Variants in EHD1 observed in about 807,000 individuals in gnomAD.
EHD1 encodes the protein EH domain-containing protein 1.
EHD1 carries 19 observed loss-of-function variants against 39.0 expected under a neutral mutation model. The observed-to-expected ratio is 0.49, with a 90% CI of 0.34 to 0.72. The LOEUF (loss-of-function observed/expected upper bound fraction) is 0.72, where lower values mean the gene tolerates loss of function less well. EHD1 is among the 30% of genes least tolerant of loss of function. EHD1 has a pLI of 0.01. For missense variants in EHD1, 542 were observed against 751.5 expected (o/e 0.72, Z 3.26); for synonymous variants, 323 against 331.2 (o/e 0.98, Z 0.27).
At chr11:64,857,535 C>T (rs982294512) in intron 3 of EHD1, among the ~76,000 whole-genome samples, 3 of 152,226 alleles carry the variant, frequency 2.0e-5, no homozygotes, top group African/African-American at 7.2e-5. Context: ...CACGGAGGTT[C>T]AGGCCAGAAT....
intron 3 of EHD1, chr11:64,856,650 G>A (rs1943656616): frequency 6.6e-6 from 1 of 152,390 alleles, no homozygotes; most frequent in Admixed American, 6.5e-5. Context: ...CCTGTGCCCT[G>A]GGTGGGGGCC....
chr11:64,861,185 C>CAAAAAAAAAAA (rs113324966), intron 2 of EHD1, among the ~76,000 whole-genome samples: 1 of 125,456 alleles, frequency 8.0e-6, no homozygotes, highest in Non-Finnish European at 1.7e-5. Flanking sequence ...GACTCCGTCT[C>CAAAAAAAAAAA]AAAAAAAAAA....
intron 2 of EHD1, among the ~76,000 whole-genome samples, chr11:64,873,354 G>A (rs981745700): frequency 1.1e-4 from 17 of 152,222 alleles, no homozygotes; most frequent in African/African-American, 4.1e-4. Context: ...CAGTCCTGCT[G>A]GACGTGTGAG....
At chr11:64,865,331 CAGCGGTAACACTG>C (rs1943756395) in intron 2 of EHD1, among the ~76,000 whole-genome samples, 1 of 152,270 alleles carries the variant, frequency 6.6e-6, no homozygotes, top group African/African-American at 2.4e-5. Context: ...CTACACTGCA[CAGCGGTAACACTG>C]AGCCACTCTC....
In EHD1 at chr11:64,853,112, C is replaced by CG. The variant is rs1943600234; in HGVS notation, c.*1220dup. On this transcript the variant is annotated 3_prime_UTR_variant, in exon 5 of 5. Coordinates refer to ENST00000320631, the MANE Select transcript of EHD1 (RefSeq NM_006795.4). ...GAGGGGGAGGCGGCCTGAACTGGCC[C>CG]GGGCCACTGGGCCGCAAGGTTCTGG... 1 of 152,042 alleles carries CG rather than the reference C, an allele frequency of 6.6e-6. No individual in the cohort carries two copies. The allele number at this position is 152,042 out of a possible 1,614,324, so 9.4% of individuals were successfully genotyped here. A position where few individuals can be genotyped will look rare whatever the true frequency, so the allele number is the denominator to read the frequency against.
At chr11:64,855,105 C>A in intron 4 of EHD1, 1 of 887,424 alleles carries the variant, frequency 1.1e-6, no homozygotes, top group Non-Finnish European at 1.7e-6. Flanking sequence ...TGGCCCTGCC[C>A]TCCCCCCACC....
chr11:64,866,589 G>C (rs1347336341), intron 2 of EHD1, among the ~76,000 whole-genome samples: 1 of 152,018 alleles, frequency 6.6e-6, no homozygotes, highest in Non-Finnish European at 1.5e-5. Flanking sequence ...TGAGGTAAGA[G>C]GATTGTTTGG....
At chr11:64,863,565 G>A (rs114204804) in intron 2 of EHD1, among the ~76,000 whole-genome samples, 1 of 152,334 alleles carries the variant, frequency 6.6e-6, no homozygotes, top group African/African-American at 2.4e-5. Flanking sequence ...CTACGCACAA[G>A]CACGCCAAGA....
chr11:64,865,802 A>G (rs1943761330), intron 2 of EHD1, among the ~76,000 whole-genome samples: 1 of 152,246 alleles, frequency 6.6e-6, no homozygotes, highest in African/African-American at 2.4e-5. Flanking sequence ...TCAAACCACA[A>G]TGAGACAACA....
chr11:64,867,269 A>T (rs915092308), intron 2 of EHD1, among the ~76,000 whole-genome samples: 1 of 151,606 alleles, frequency 6.6e-6, no homozygotes, highest in African/African-American at 2.4e-5. Flanking sequence ...AAATACAAAA[A>T]TTAGCCAGGG....
intron 2 of EHD1, among the ~76,000 whole-genome samples, chr11:64,872,835 G>A (rs1057503921): frequency 1.4e-4 from 22 of 152,214 alleles, no homozygotes; most frequent in African/African-American, 5.3e-4. Context: ...AGCCCTAGCA[G>A]AGAGACATGT....
chr11:64,869,326 A>C (rs1470109976), intron 2 of EHD1, among the ~76,000 whole-genome samples: 1 of 152,232 alleles, frequency 6.6e-6, no homozygotes, highest in Non-Finnish European at 1.5e-5. Context: ...TGGGCCACAG[A>C]GGGAGACCAC....
chr11:64,877,927 G>C, intron 1 of EHD1, 134 bp downstream of exon 1: 1 of 917,706 alleles, frequency 1.1e-6, no homozygotes, highest in Non-Finnish European at 1.5e-6. Context: ...CTTGGACCAG[G>C]GAGTGGTCAC....
chr11:64,875,515 T>C lies in EHD1; in HGVS notation c.405-997A>G, dbSNP rs376950101. 318 of 152,370 alleles carry C rather than the reference T, an allele frequency of 2.1e-3. 7 individuals carry two copies. In the South Asian group the frequency reaches 0.035, roughly 17 times the overall value. 9.4% of individuals were successfully genotyped at this position (152,370 alleles called of 1,614,324 possible). A position where few individuals can be genotyped will look rare whatever the true frequency, so the allele number is the denominator to read the frequency against. Reference sequence around the variant, plus strand: ...GCAGTGAGCCGAAATTGTGCGCCACTGCACTCCAGCCTGTGCAACAGAGCG... The same window carrying C: ...GCAGTGAGCCGAAATTGTGCGCCACCGCACTCCAGCCTGTGCAACAGAGCG... On this transcript the variant is annotated intron_variant, in intron 1 of 4. Coordinates refer to ENST00000320631, the MANE Select transcript of EHD1 (RefSeq NM_006795.4).
intron 3 of EHD1, among the ~76,000 whole-genome samples, chr11:64,857,913 G>A (rs1332388700): frequency 6.6e-6 from 1 of 152,128 alleles, no homozygotes; most frequent in Admixed American, 6.5e-5. Flanking sequence ...CAAGCACCCT[G>A]CTCTGTTGAA....
Position 64,854,254 on chromosome 11 carries a change from A to G in EHD1, c.*79T>C, listed in dbSNP as rs1592742261. ...ATCCGCTCAGTCTTTATGGACCTTG[A>G]GAAATGGTGAGGCTTCCCCTCCCCC... On this transcript the variant is annotated 3_prime_UTR_variant, in exon 5 of 5. Transcript: ENST00000320631. 6.7e-7 allele frequency: 1 copy of G among 1,488,750 alleles called. No individual in the cohort carries two copies. The highest frequency in any genetic ancestry group is 8.9e-7 in the Non-Finnish European group (1 of 1,122,696). 92.2% of individuals were successfully genotyped at this position (1,488,750 alleles called of 1,614,324 possible).
At chr11:64,875,330 C>T (rs2136502437) in intron 1 of EHD1, among the ~76,000 whole-genome samples, 1 of 152,336 alleles carries the variant, frequency 6.6e-6, no homozygotes, top group Admixed American at 6.5e-5. Context: ...GCAGGCAGAT[C>T]ACTTGAGGTC....
At chr11:64,872,447 C>T (rs765794084) in intron 2 of EHD1, among the ~76,000 whole-genome samples, 29 of 152,228 alleles carry the variant, frequency 1.9e-4, no homozygotes, top group Non-Finnish European at 3.7e-4. Context: ...GGCGATAGAG[C>T]GACACTCTGT....
chr11:64,878,762 T>C (rs1943921062), upstream of EHD1: 3 of 1,258,920 alleles, frequency 2.4e-6, no homozygotes, highest in Non-Finnish European at 3.0e-6. Flanking sequence ...GTGCCACGTC[T>C]TCCCCTACCC....
Sources: allele counts gnomAD v4.1 joint callset (sites outside exome capture counted in the v4.1 genomes callset), GRCh38; gene constraint gnomAD v4.1.1; transcripts MANE v1.5; gene names NCBI Gene and HGNC (gene_info 2026-07-23, HGNC 2026-07-21).